Variants in MDFIC2 observed in about 807,000 individuals in gnomAD.
The protein encoded by MDFIC2 is myoD family inhibitor domain-containing protein 2.
chr3:70,277,204 C>A (rs191455640), intron 2 of MDFIC2, among the ~76,000 whole-genome samples: 2 of 152,084 alleles, frequency 1.3e-5, no homozygotes, highest in African/African-American at 4.8e-5. Flanking sequence ...GAACATAGCC[C>A]GTATCTCCAG....
At chr3:70,290,203 G>T (rs1229726267) in intron 2 of MDFIC2, among the ~76,000 whole-genome samples, 2 of 152,056 alleles carry the variant, frequency 1.3e-5, no homozygotes, top group African/African-American at 2.4e-5. Context: ...ATCTACTTTT[G>T]GTCTTTGATG....
At chr3:70,210,036 A>G (rs1014205221) in intron 2 of MDFIC2, among the ~76,000 whole-genome samples, 4 of 152,134 alleles carry the variant, frequency 2.6e-5, no homozygotes, top group African/African-American at 9.6e-5. Context: ...TCAAATTATC[A>G]CACGTAGTCA....
intron 2 of MDFIC2, among the ~76,000 whole-genome samples, chr3:70,285,678 T>G (rs1021517263): frequency 5.3e-5 from 8 of 150,252 alleles, no homozygotes; most frequent in East Asian, 2.0e-4. Context: ...CCACCAACAG[T>G]GTAAAAGTGT....
In MDFIC2 at chr3:70,197,104, G is replaced by A. The variant is rs1336998682; in HGVS notation, c.392C>T (p.Thr131Met). ...CLLMLPGTCE[T>M]VCTKMCCPSR... ...GGGGCAGCACATTTTGGTACACACC[G>A]TTTCGCAGGTGCCGGGGAGCATCAG... The change falls in exon 4 of 4, where the codon ACG becomes ATG. Residue 131 changes from threonine to methionine, a missense_variant. Thr to Met is a moderately conservative substitution (Grantham distance 81). Coordinates refer to ENST00000567252, the MANE Select transcript of MDFIC2 (RefSeq NM_001364677.1). 1 of 398,558 alleles carries A rather than the reference G, an allele frequency of 2.5e-6. No individual in the cohort carries two copies. The highest frequency in any genetic ancestry group is 4.4e-6 in the Non-Finnish European group (1 of 226,066). 24.7% of individuals were successfully genotyped at this position (398,558 alleles called of 1,614,324 possible).
chr3:70,291,878 A>G (rs895986024), intron 2 of MDFIC2: 2 of 152,146 alleles, frequency 1.3e-5, no homozygotes, highest in Non-Finnish European at 2.9e-5. Flanking sequence ...AGAATGTAGG[A>G]GTCTAATATT....
At chr3:70,238,039 C>G (rs997398371) in intron 2 of MDFIC2, among the ~76,000 whole-genome samples, 3 of 106,808 alleles carry the variant, frequency 2.8e-5, no homozygotes, top group Admixed American at 1.4e-4. Context: ...GGAAAGAGAA[C>G]TGTACTTTAT....
At chr3:70,244,956 A>T (rs1449070468) in intron 2 of MDFIC2, among the ~76,000 whole-genome samples, 4 of 152,166 alleles carry the variant, frequency 2.6e-5, no homozygotes, top group Non-Finnish European at 5.9e-5. Flanking sequence ...AATTATATAT[A>T]TAAAAATCAT....
At chr3:70,267,985 C>T (rs1370308537) in intron 2 of MDFIC2, among the ~76,000 whole-genome samples, 2 of 151,218 alleles carry the variant, frequency 1.3e-5, no homozygotes, top group Non-Finnish European at 2.9e-5. Flanking sequence ...CCTTTCGCCT[C>T]CCCTTTCACC....
chr3:70,196,257 A>C lies in MDFIC2; in HGVS notation c.*669T>G, dbSNP rs1012772433. On this transcript the variant is annotated 3_prime_UTR_variant, in exon 4 of 4. Coordinates refer to ENST00000567252, the MANE Select transcript of MDFIC2 (RefSeq NM_001364677.1). ...CCTGTTATGACATAGTCATAGACAT[A>C]CAATAATATGGTCTAGAATTATAGT... 2.0e-4 allele frequency among the ~76,000 whole-genome samples: 31 copies of C among 152,192 alleles called. No individual in the cohort carries two copies. Among genetic ancestry groups the C allele is most frequent in the African/African-American group, 7.0e-4 (29 of 41,462 alleles).
chr3:70,218,112 A>G (rs1211848969), intron 2 of MDFIC2, among the ~76,000 whole-genome samples: 2 of 152,168 alleles, frequency 1.3e-5, no homozygotes, highest in Non-Finnish European at 2.9e-5. Flanking sequence ...TGGGGATTTA[A>G]GATCTATTTT....
At chr3:70,207,583 C>T (rs1701304611) in intron 2 of MDFIC2, among the ~76,000 whole-genome samples, 1 of 151,866 alleles carries the variant, frequency 6.6e-6, no homozygotes, top group South Asian at 2.1e-4. Context: ...GGTTTCACAT[C>T]CCCAATACAA....
At chr3:70,210,295 A>G (rs1444511208) in intron 2 of MDFIC2, among the ~76,000 whole-genome samples, 1 of 152,120 alleles carries the variant, frequency 6.6e-6, no homozygotes, top group Non-Finnish European at 1.5e-5. Context: ...TTAAACTGCC[A>G]TTCATAAAGT....
At chr3:70,246,200 C>T (rs934022484) in intron 2 of MDFIC2, among the ~76,000 whole-genome samples, 3 of 151,982 alleles carry the variant, frequency 2.0e-5, no homozygotes, top group Non-Finnish European at 4.4e-5. Context: ...TGGAATAGTA[C>T]ATCACCATTT....
chr3:70,250,413 A>T (rs1226754153), intron 2 of MDFIC2, among the ~76,000 whole-genome samples: 4 of 8,682 alleles, frequency 4.6e-4, no homozygotes, highest in African/African-American at 6.5e-4. Flanking sequence ...AATGAATCTC[A>T]CACACACACA....
At chr3:70,284,319 T>A (rs2106685105) in intron 2 of MDFIC2, among the ~76,000 whole-genome samples, 1 of 152,328 alleles carries the variant, frequency 6.6e-6, no homozygotes, top group East Asian at 1.9e-4. Flanking sequence ...AGAGTGAAGT[T>A]AGCCTTGTTC....
intron 2 of MDFIC2, among the ~76,000 whole-genome samples, chr3:70,282,524 C>T (rs1423895714): frequency 6.6e-6 from 1 of 152,198 alleles, no homozygotes; most frequent in Non-Finnish European, 1.5e-5. Flanking sequence ...ATCACTCAGC[C>T]TGGTTCATTC....
intron 2 of MDFIC2, among the ~76,000 whole-genome samples, chr3:70,233,800 C>T (rs1701584348): frequency 6.6e-6 from 1 of 152,118 alleles, no homozygotes; most frequent in Non-Finnish European, 1.5e-5. Flanking sequence ...GAAAGTTATT[C>T]AGATTGTTGC....
intron 2 of MDFIC2, among the ~76,000 whole-genome samples, chr3:70,232,208 C>T (rs142210420): frequency 2.6e-5 from 4 of 152,146 alleles, no homozygotes; most frequent in African/African-American, 7.2e-5. Flanking sequence ...TGAGGGTGTG[C>T]ACCATGTGAA....
chr3:70,261,012 G>A (rs183018006), intron 2 of MDFIC2, among the ~76,000 whole-genome samples: 45 of 152,154 alleles, frequency 3.0e-4, no homozygotes, highest in African/African-American at 8.9e-4. Context: ...GAAAAATTCC[G>A]CTTGACATGA....
Sources: allele counts gnomAD v4.1 joint callset (sites outside exome capture counted in the v4.1 genomes callset), GRCh38; gene constraint gnomAD v4.1.1; transcripts MANE v1.5; gene names NCBI Gene and HGNC (gene_info 2026-07-23, HGNC 2026-07-21).